Variants in GRIP2 observed in about 807,000 individuals in gnomAD.
GRIP2 encodes the protein glutamate receptor interacting protein 2, also known as glutamate receptor-interacting protein 2.
GRIP2 carries 58 observed loss-of-function variants against 108.3 expected under a neutral mutation model. The observed-to-expected ratio is 0.54, with a 90% CI of 0.43 to 0.67. The LOEUF is 0.67. Ranked by LOEUF, GRIP2 falls within the 30% of genes least tolerant of loss-of-function variation. GRIP2 has a pLI of 0.00. For synonymous variants in GRIP2, 586 were observed against 598.2 expected (o/e 0.98, Z 0.30); for missense variants, 1,278 against 1,430.6 (o/e 0.89, Z 1.72).
Position 14,522,816 on chromosome 3 carries a change from C to T in GRIP2, c.566+184G>A. On this transcript the variant is annotated intron_variant, in intron 6 of 23. Coordinates refer to ENST00000621039, the MANE Select transcript of GRIP2 (RefSeq NM_001080423.4). The surrounding 1 kb of genome is among the most constrained non-coding windows in gnomAD (Gnocchi z 4.3). ...TTGGGGAAGAAAGGGCTCGAGGTTT[C>T]CCTCATTTGGGGTTACATCCCGGTT... 1 of 593,386 alleles carries T rather than the reference C, an allele frequency of 1.7e-6. No individual in the cohort carries two copies. Among genetic ancestry groups the T allele is most frequent in the Non-Finnish European group, 3.1e-6 (1 of 324,840 alleles). 36.8% of individuals were successfully genotyped at this position (593,386 alleles called of 1,614,324 possible). A position where few individuals can be genotyped will look rare whatever the true frequency, so the allele number is the denominator to read the frequency against.
chr3:14,499,142 G>T (rs377038629), intron 21 of GRIP2, among the ~76,000 whole-genome samples: 1 of 152,206 alleles, frequency 6.6e-6, no homozygotes, highest in African/African-American at 2.4e-5. Context: ...CCGCATGAAG[G>T]TGGGGCCGGA....
At chr3:14,599,510 G>A in the GRIP2 span, among the ~76,000 whole-genome samples, 1 of 152,034 alleles carries the variant, frequency 6.6e-6, no homozygotes, top group African/African-American at 2.4e-5. Context: ...AGGGATTGGG[G>A]GCAACTTGAG....
chr3:14,550,478 G>C (rs759513989), intron 1 of GRIP2, among the ~76,000 whole-genome samples: 1 of 152,196 alleles, frequency 6.6e-6, no homozygotes, highest in Non-Finnish European at 1.5e-5. Context: ...TGGTAATGAA[G>C]TGTGAGGAAC....
chr3:14,523,108 C>A, intron 5 of GRIP2, 33 bp from the exon 6 acceptor site: 1 of 1,525,092 alleles, frequency 6.6e-7, no homozygotes, highest in Non-Finnish European at 9.0e-7. Flanking sequence ...CAGGAATCAT[C>A]CACCCACCCC....
chr3:14,516,264 T>C (rs536771249), intron 11 of GRIP2, among the ~76,000 whole-genome samples: 49 of 152,202 alleles, frequency 3.2e-4, no homozygotes, highest in Non-Finnish European at 6.2e-4. Flanking sequence ...TGTAGAACCA[T>C]ATTTAGCTTT....
At chr3:14,575,609 T>C in the GRIP2 span, among the ~76,000 whole-genome samples, 1 of 152,246 alleles carries the variant, frequency 6.6e-6, no homozygotes, top group Admixed American at 6.5e-5. Context: ...ATAGAGGGAC[T>C]CTGGACAGGA....
At position 14,505,924 on chromosome 3, in the gene GRIP2, A is replaced by G. The variant is rs1693913912; in HGVS notation, c.2399-135T>C. On this transcript the variant is annotated intron_variant, in intron 19 of 23. Coordinates refer to ENST00000621039, the MANE Select transcript of GRIP2 (RefSeq NM_001080423.4). The surrounding 1 kb of genome is among the most constrained non-coding windows in gnomAD (Gnocchi z 4.2). ...GGGCCTGCATCTACACAGCCCTCTGAGGGCCTCTGCCTCTCAGAATCTCCC... is the reference window on the plus strand; with the variant it reads ...GGGCCTGCATCTACACAGCCCTCTGGGGGCCTCTGCCTCTCAGAATCTCCC... 2 of 728,232 alleles carry G rather than the reference A, an allele frequency of 2.7e-6. No individual in the cohort carries two copies. The highest frequency in any genetic ancestry group is 4.2e-6 in the Non-Finnish European group (2 of 475,874). The allele number at this position is 728,232 out of a possible 1,614,324, so 45.1% of individuals were successfully genotyped here.
At chr3:14,572,633 GAC>G in the GRIP2 span, among the ~76,000 whole-genome samples, 1 of 88,350 alleles carries the variant, frequency 1.1e-5, no homozygotes, top group Non-Finnish European at 2.4e-5. Context: ...AAAAAAAAAA[GAC>G]ACAAGCTAGA....
intron 1 of GRIP2, 108 bp from the exon 2 acceptor site, chr3:14,526,039 G>T (rs1694545986): frequency 1.1e-6 from 1 of 892,816 alleles, no homozygotes; most frequent in Non-Finnish European, 1.8e-6. Flanking sequence ...TGTAAGATGG[G>T]TTCCCTCCTG....
At chr3:14,562,217 T>C in the GRIP2 span, among the ~76,000 whole-genome samples, 1 of 152,208 alleles carries the variant, frequency 6.6e-6, no homozygotes, top group Non-Finnish European at 1.5e-5. Flanking sequence ...CCAGGACTCC[T>C]GAAAGCAATG....
chr3:14,573,788 C>A, the GRIP2 span: 1 of 1,548,956 alleles, frequency 6.5e-7, no homozygotes, highest in Non-Finnish European at 8.9e-7. Context: ...CAGAGCCAAA[C>A]TGTCTCTTGT....
intron 21 of GRIP2, among the ~76,000 whole-genome samples, chr3:14,499,339 A>T (rs1417379895): frequency 1.3e-5 from 2 of 152,200 alleles, no homozygotes; most frequent in Non-Finnish European, 2.9e-5. Context: ...CAGTGCAGTG[A>T]TGAGATGAAA....
the GRIP2 span, among the ~76,000 whole-genome samples, chr3:14,597,571 A>C: frequency 6.6e-6 from 1 of 152,170 alleles, no homozygotes; most frequent in African/African-American, 2.4e-5. Flanking sequence ...TTTTTAAAAA[A>C]AAATTATTTT....
At chr3:14,570,958 G>C in the GRIP2 span, among the ~76,000 whole-genome samples, 1 of 152,158 alleles carries the variant, frequency 6.6e-6, no homozygotes, top group Non-Finnish European at 1.5e-5. Flanking sequence ...TTTTGGACCA[G>C]ACAATTCTTT....
At chr3:14,554,334 C>G (rs2124983887) in intron 1 of GRIP2, among the ~76,000 whole-genome samples, 1 of 152,320 alleles carries the variant, frequency 6.6e-6, no homozygotes, top group South Asian at 2.1e-4. Flanking sequence ...CTCTCCAAAT[C>G]CTGGGGACGC....
upstream of GRIP2, among the ~76,000 whole-genome samples, chr3:14,542,794 T>C (rs1054264732): frequency 2.6e-5 from 4 of 152,216 alleles, no homozygotes; most frequent in Non-Finnish European, 5.9e-5. Flanking sequence ...GAAGCAATTA[T>C]TGGCCCATTT....
intron 1 of GRIP2, among the ~76,000 whole-genome samples, chr3:14,528,093 G>T (rs1409956438): frequency 6.6e-6 from 1 of 152,082 alleles, no homozygotes; most frequent in Admixed American, 6.6e-5. Flanking sequence ...TTCCCCACAA[G>T]CACTTATCTG....
the GRIP2 span, among the ~76,000 whole-genome samples, chr3:14,591,774 C>T: frequency 6.6e-6 from 1 of 152,316 alleles, no homozygotes; most frequent in East Asian, 1.9e-4. Context: ...TGAGGACCTT[C>T]TGGGAGTACA....
the GRIP2 span, among the ~76,000 whole-genome samples, chr3:14,582,432 T>C: frequency 6.6e-6 from 1 of 152,218 alleles, no homozygotes. Context: ...TGGATGGATC[T>C]AAAGGGGGTC....
Sources: allele counts gnomAD v4.1 joint callset (sites outside exome capture counted in the v4.1 genomes callset), GRCh38; gene constraint gnomAD v4.1.1; non-coding constraint Gnocchi (gnomAD v3.1); transcripts MANE v1.5; gene names NCBI Gene and HGNC (gene_info 2026-07-23, HGNC 2026-07-21).